Variants in ABCB9 observed in about 807,000 individuals in gnomAD.
The protein encoded by ABCB9 is ATP binding cassette subfamily B member 9.
In ABCB9, 36 loss-of-function variants were observed where a neutral mutation model predicts 62.0. The observed-to-expected ratio is 0.58, with a 90% confidence interval of 0.45 to 0.77. ABCB9 has a LOEUF of 0.77. Among genes scored for constraint, ABCB9 ranks in the 30% least tolerant of loss-of-function variants. The pLI is 0.00. For missense variants in ABCB9, 943 were observed against 1,054.7 expected (o/e 0.89, Z 1.47); for synonymous variants, 435 against 461.4 (o/e 0.94, Z 0.73).
chr12:122,953,815 C>T (rs536016730), intron 2 of ABCB9, among the ~76,000 whole-genome samples: 58 of 152,268 alleles, frequency 3.8e-4, no homozygotes, highest in Non-Finnish European at 7.1e-4. Flanking sequence ...AGCCACCACA[C>T]CCAGCCACTT....
intron 10 of ABCB9, among the ~76,000 whole-genome samples, chr12:122,934,560 G>A (rs2035359102): frequency 6.7e-6 from 1 of 150,322 alleles, no homozygotes; most frequent in African/African-American, 2.5e-5. Context: ...AGGATGGCTT[G>A]AGCCCAAGAG....
downstream of ABCB9, among the ~76,000 whole-genome samples, chr12:122,926,666 A>G (rs1015182249): frequency 6.6e-6 from 1 of 151,820 alleles, no homozygotes; most frequent in Non-Finnish European, 1.5e-5. Flanking sequence ...AGGTGGGAGG[A>G]TTGATTGAGG....
chr12:122,931,192 C>G (rs1174962967), intron 11 of ABCB9: 1 of 151,452 alleles, frequency 6.6e-6, no homozygotes, highest in Non-Finnish European at 1.5e-5. Context: ...ACCTGGCGGA[C>G]TTTTGTATTT....
chr12:122,967,406 C>A (rs2037208843), upstream of ABCB9, among the ~76,000 whole-genome samples: 1 of 152,210 alleles, frequency 6.6e-6, no homozygotes, highest in Non-Finnish European at 1.5e-5. Context: ...TCCATGTGGC[C>A]TGAACCGTGG....
chr12:122,960,018 G>A lies in ABCB9; in HGVS notation c.218C>T (p.Ala73Val), dbSNP rs202243167. The A allele has an allele frequency of 3.8e-5, 61 of 1,613,256 alleles. No homozygotes were observed. The highest frequency in any genetic ancestry group is 1.6e-4 in the Middle Eastern group (1 of 6,084). Residue 73 changes from alanine to valine, a missense_variant, in exon 2 of 12, where the codon GCG becomes GTG. By Grantham distance (64) the Ala-to-Val change is moderately conservative. Transcript: ENST00000280560. Reference sequence around the variant, plus strand: ...GGCCCGCAGCCGCCGGGGCCCCAGCGCACTGTTCTTGGCCACACCAATGGT... The same window carrying A: ...GGCCCGCAGCCGCCGGGGCCCCAGCACACTGTTCTTGGCCACACCAATGGT... ...GATIGVAKNS[A>V]LGPRRLRASW...
upstream of ABCB9, among the ~76,000 whole-genome samples, chr12:122,970,306 G>A (rs560458712): frequency 6.6e-6 from 1 of 152,268 alleles, no homozygotes; most frequent in South Asian, 2.1e-4. Context: ...GCAGGGCAGT[G>A]GTGTGATCTC....
chr12:122,923,353 C>T (rs1348784785), intron 11 of ABCB9, among the ~76,000 whole-genome samples: 4 of 152,090 alleles, frequency 2.6e-5, no homozygotes, highest in Non-Finnish European at 5.9e-5. Context: ...AGTGGCGCGA[C>T]CTCCACGCAC....
Position 122,959,220 on chromosome 12 carries a change from C to T in ABCB9, c.601+415G>A, listed in dbSNP as rs2036765507. Among the ~76,000 whole-genome samples, 1 of 151,692 alleles carries T rather than the reference C, an allele frequency of 6.6e-6. No homozygotes were observed. The highest frequency in any genetic ancestry group is 1.5e-5 in the Non-Finnish European group (1 of 67,920). The stretch of plus-strand genomic sequence containing the variant: ...TACAAAAATTAGTTGGGTGTGGTGG[C>T]ATATGCCTGTAGTCCCAGCTACTTG... On this transcript the variant is annotated intron_variant, in intron 2 of 11. Coordinates refer to ENST00000280560, the MANE Select transcript of ABCB9 (RefSeq NM_019625.4). The surrounding 1 kb of genome is among the most constrained non-coding windows in gnomAD (Gnocchi z 5.4).
chr12:122,924,822 A>G (rs2034846313), downstream of ABCB9: 1 of 1,534,752 alleles, frequency 6.5e-7, no homozygotes, highest in Non-Finnish European at 8.7e-7. Context: ...TGTGTGGGAC[A>G]GAAGGAGGAC....
At chr12:122,950,671 C>A in intron 2 of ABCB9, 106 bp from the exon 3 acceptor site, 1 of 906,914 alleles carries the variant, frequency 1.1e-6, no homozygotes, top group Non-Finnish European at 1.7e-6. Context: ...CCCACTCCAC[C>A]GGTGGGCTTT....
At chr12:122,946,766 C>A (rs1027706338) in intron 5 of ABCB9, among the ~76,000 whole-genome samples, 5 of 152,230 alleles carry the variant, frequency 3.3e-5, no homozygotes, top group African/African-American at 9.6e-5. Context: ...AATCTGCCCA[C>A]ACCATGTGCA....
intron 1 of ABCB9, among the ~76,000 whole-genome samples, chr12:122,972,682 G>A (rs2037291601): frequency 6.6e-6 from 1 of 151,796 alleles, no homozygotes; most frequent in Non-Finnish European, 1.5e-5. Flanking sequence ...GGATAATTTT[G>A]TTATATTTTT....
At chr12:122,923,670 G>C (rs917758114) in intron 11 of ABCB9, among the ~76,000 whole-genome samples, 1 of 152,180 alleles carries the variant, frequency 6.6e-6, no homozygotes, top group Admixed American at 6.6e-5. Context: ...AGGGCCCCCT[G>C]ACAGAGGAAT....
chr12:122,944,523 G>A lies in ABCB9; in HGVS notation c.1252-4C>T. ...CCTGGACCACCAGCAGTGTGAGCTGGGGCAGAGGGAGAGGGGATGTGGGTC... is the reference window on the plus strand; with the variant it reads ...CCTGGACCACCAGCAGTGTGAGCTGAGGCAGAGGGAGAGGGGATGTGGGTC... On this transcript the variant is annotated splice_polypyrimidine_tract_variant and splice_region_variant and intron_variant, in intron 6 of 11. Coordinates refer to ENST00000280560, the MANE Select transcript of ABCB9 (RefSeq NM_019625.4). The surrounding 1 kb of genome is among the most constrained non-coding windows in gnomAD (Gnocchi z 4.9). 6.2e-7 allele frequency: 1 copy of A among 1,613,574 alleles called. No homozygotes were observed. The highest frequency in any genetic ancestry group is 8.5e-7 in the Non-Finnish European group (1 of 1,179,786).
At chr12:122,928,681 C>T (rs976364232), downstream of ABCB9, among the ~76,000 whole-genome samples, 2 of 151,960 alleles carry the variant, frequency 1.3e-5, no homozygotes, top group Non-Finnish European at 2.9e-5. Context: ...GCCTGGGCCC[C>T]GATGGAAAAG....
At chr12:122,931,154 A>G (rs1467691703) in intron 11 of ABCB9, among the ~76,000 whole-genome samples, 1 of 151,798 alleles carries the variant, frequency 6.6e-6, no homozygotes, top group African/African-American at 2.4e-5. Context: ...CCTCCCAAGT[A>G]GCTAGGATTA....
At chr12:122,924,771 C>G, downstream of ABCB9, 1 of 1,534,640 alleles carries the variant, frequency 6.5e-7, no homozygotes, top group Admixed American at 2.0e-5. Context: ...GTTCCCAAAG[C>G]CCTCGACTGC....
At chr12:122,939,012 A>G (rs2035598796) in intron 9 of ABCB9, among the ~76,000 whole-genome samples, 1 of 152,044 alleles carries the variant, frequency 6.6e-6, no homozygotes. Flanking sequence ...TCTGTACTAA[A>G]AATACAAAAA....
downstream of ABCB9, among the ~76,000 whole-genome samples, chr12:122,927,332 C>T (rs1306474956): frequency 2.0e-5 from 3 of 152,026 alleles, no homozygotes; most frequent in Admixed American, 6.6e-5. Flanking sequence ...CCAACACGCC[C>T]GGCTAATTTT....
Sources: gnomAD v4.1 joint callset for allele counts (sites outside exome capture counted in the v4.1 genomes callset) on GRCh38, gnomAD v4.1.1 for gene constraint, Gnocchi (gnomAD v3.1) non-coding constraint, MANE v1.5 for transcripts, NCBI Gene and HGNC (gene_info 2026-07-23, HGNC 2026-07-21) for gene names.